Variants in CTNNA2 observed in about 807,000 individuals in gnomAD.
CTNNA2 encodes the protein catenin alpha-2.
A neutral mutation model predicts 101.0 loss-of-function variants in CTNNA2; 42 were observed. The ratio of observed to expected loss-of-function variants is 0.42; its 90% CI spans 0.32 to 0.54. The LOEUF is 0.54. Among genes scored for constraint, CTNNA2 ranks in the 20% least tolerant of loss-of-function variants. The pLI is 0.14. For missense variants in CTNNA2, 871 were observed against 1,223.1 expected (o/e 0.71, Z 4.29); for synonymous variants, 450 against 456.4 (o/e 0.99, Z 0.18).
intron 9 of CTNNA2, among the ~76,000 whole-genome samples, chr2:80,423,343 T>C (rs966717168): frequency 1.3e-5 from 2 of 152,156 alleles, no homozygotes; most frequent in African/African-American, 4.8e-5. Context: ...TAATCTATGC[T>C]TAAGTCTGGT....
intron 17 of CTNNA2, among the ~76,000 whole-genome samples, chr2:80,608,932 C>T (rs1698242568): frequency 6.6e-6 from 1 of 151,798 alleles, no homozygotes; most frequent in Non-Finnish European, 1.5e-5. Context: ...ATTATCTGGT[C>T]CATTTTTATC....
chr2:79,785,412 T>A (rs752185319), intron 3 of CTNNA2, among the ~76,000 whole-genome samples: 6 of 152,142 alleles, frequency 3.9e-5, no homozygotes, highest in Non-Finnish European at 8.8e-5. Flanking sequence ...CTTAACTCTG[T>A]CCCTAAATGC....
At chr2:79,382,646 C>G (rs1016831710) in intron 4 of CTNNA2, among the ~76,000 whole-genome samples, 7 of 152,164 alleles carry the variant, frequency 4.6e-5, no homozygotes, top group African/African-American at 1.7e-4. Context: ...ACACTCTTCG[C>G]TCTGTCGCCC....
intron 7 of CTNNA2, among the ~76,000 whole-genome samples, chr2:80,373,479 C>T (rs770171863): frequency 6.6e-6 from 1 of 152,150 alleles, no homozygotes; most frequent in Non-Finnish European, 1.5e-5. Flanking sequence ...CACCTGCAAG[C>T]TTTCACATAG....
rs111918910 is a variant in CTNNA2 at position 80,537,536 on chromosome 2, A to G, written c.1291-7446A>G. Among the ~76,000 whole-genome samples, 491 of 151,396 alleles carry G rather than the reference A, an allele frequency of 3.2e-3. 3 individuals are homozygous for G. Among genetic ancestry groups the G allele is most frequent in the African/African-American group, 0.011 (458 of 41,222 alleles). On this transcript the variant is annotated intron_variant, in intron 9 of 18. Coordinates refer to ENST00000402739, the MANE Select transcript of CTNNA2 (RefSeq NM_001282597.3). The stretch of plus-strand genomic sequence containing the variant: ...CAATGGTTGAACTAATTACACTCCC[A>G]CCAACAGTGTAAAAGCGTTCCTTTT...
chr2:80,638,570 A>G (rs1159536631), intron 18 of CTNNA2, among the ~76,000 whole-genome samples: 1 of 152,190 alleles, frequency 6.6e-6, no homozygotes, highest in African/African-American at 2.4e-5. Flanking sequence ...CAGTACTCCC[A>G]CTTATCTTTG....
At chr2:79,687,841 A>T (rs1045312944) in intron 2 of CTNNA2, 2 of 404,104 alleles carry the variant, frequency 4.9e-6, no homozygotes, top group Non-Finnish European at 8.8e-6. Flanking sequence ...GCCCTGATTC[A>T]GTTTTTATTT....
At chr2:79,933,506 G>A (rs536807306) in intron 7 of CTNNA2, among the ~76,000 whole-genome samples, 38 of 151,126 alleles carry the variant, frequency 2.5e-4, no homozygotes, top group Non-Finnish European at 4.0e-4. Flanking sequence ...CCAGGCTGGA[G>A]TACAATGGCA....
chr2:79,494,926 C>T (rs1271728870), intron 4 of CTNNA2, among the ~76,000 whole-genome samples: 2 of 151,926 alleles, frequency 1.3e-5, no homozygotes, highest in Non-Finnish European at 2.9e-5. Flanking sequence ...CTGGCTAACA[C>T]GGTTCTCTAC....
At chr2:80,218,778 A>C (rs888918137) in intron 7 of CTNNA2, among the ~76,000 whole-genome samples, 1 of 152,166 alleles carries the variant, frequency 6.6e-6, no homozygotes, top group African/African-American at 2.4e-5. Context: ...TATGCATTCA[A>C]CTTTCTCCCC....
At chr2:80,376,913 G>A (rs1676010965) in intron 7 of CTNNA2, among the ~76,000 whole-genome samples, 1 of 152,168 alleles carries the variant, frequency 6.6e-6, no homozygotes, top group South Asian at 2.1e-4. Context: ...TCATCAGTGA[G>A]GTGTGTTCAT....
chr2:80,167,072 G>A (rs116427979), intron 7 of CTNNA2, among the ~76,000 whole-genome samples: 1,782 of 151,838 alleles, frequency 0.012, 37 homozygotes, highest in African/African-American at 0.039. Context: ...AATGGCCACA[G>A]ATTTTACTGG....
At position 80,152,026 on chromosome 2, in the gene CTNNA2, T is replaced by C. The variant is rs538355086; in HGVS notation, c.1057-241185T>C. Among the ~76,000 whole-genome samples the C allele has an allele frequency of 2.6e-5, 4 of 152,260 alleles. No individual in the cohort carries two copies. The South Asian group carries it at 8.3e-4, about 32-fold the overall frequency. ...AAATGGCACTGTGGCCACTTGTATG[T>C]CTCCCTCCTGGAAAATGCAGGCTAT... On this transcript the variant is annotated intron_variant, in intron 7 of 18. Coordinates refer to ENST00000402739, the MANE Select transcript of CTNNA2 (RefSeq NM_001282597.3).
At chr2:79,773,422 C>G (rs566790223) in intron 3 of CTNNA2, among the ~76,000 whole-genome samples, 11 of 152,188 alleles carry the variant, frequency 7.2e-5, no homozygotes, top group East Asian at 3.9e-4. Context: ...ATATATGTCT[C>G]CCGTTCAGAA....
intron 7 of CTNNA2, among the ~76,000 whole-genome samples, chr2:80,180,180 A>G (rs1178100007): frequency 6.6e-6 from 1 of 152,130 alleles, no homozygotes; most frequent in Non-Finnish European, 1.5e-5. Context: ...TAACAGCATA[A>G]ATTATCAATA....
At chr2:80,631,320 C>A (rs143225541) in intron 18 of CTNNA2, among the ~76,000 whole-genome samples, 2 of 149,636 alleles carry the variant, frequency 1.3e-5, no homozygotes, top group Admixed American at 1.3e-4. Flanking sequence ...AGAAGTTTTC[C>A]AATTGCATGA....
At chr2:80,095,638 T>A (rs1036767843) in intron 7 of CTNNA2, among the ~76,000 whole-genome samples, 3 of 152,066 alleles carry the variant, frequency 2.0e-5, no homozygotes, top group African/African-American at 7.3e-5. Flanking sequence ...GGTCCTGGAC[T>A]TTTTTTGGTT....
chr2:80,065,642 G>A (rs1002478964), intron 7 of CTNNA2, among the ~76,000 whole-genome samples: 4 of 151,992 alleles, frequency 2.6e-5, no homozygotes, highest in Non-Finnish European at 4.4e-5. Context: ...ATGAGCCACC[G>A]CACCTGGCCC....
intron 4 of CTNNA2, among the ~76,000 whole-genome samples, chr2:79,419,394 T>G (rs1678516153): frequency 6.6e-6 from 1 of 152,136 alleles, no homozygotes; most frequent in South Asian, 2.1e-4. Context: ...AATAATAGTG[T>G]ATCAATATTG....
Sources: allele counts gnomAD v4.1 joint callset (sites outside exome capture counted in the v4.1 genomes callset), GRCh38; gene constraint gnomAD v4.1.1; transcripts MANE v1.5; gene names NCBI Gene and HGNC (gene_info 2026-07-23, HGNC 2026-07-21).